Variants in PLIN2 observed in about 807,000 individuals in gnomAD.
PLIN2 encodes perilipin-2.
In PLIN2, 33 loss-of-function variants were observed where a neutral mutation model predicts 30.6. The ratio of observed to expected loss-of-function variants is 1.08; its 90% CI spans 0.82 to 1.44. The LOEUF (loss-of-function observed/expected upper bound fraction) is 1.44, where lower values mean the gene tolerates loss of function less well. Ranked by LOEUF, PLIN2 falls within the 40% of genes most tolerant of loss-of-function variation. PLIN2 has a pLI of 0.00. For missense variants in PLIN2, 610 were observed against 531.8 expected (o/e 1.15, Z -1.45); for synonymous variants, 205 against 201.1 (o/e 1.02, Z -0.16).
chr9:19,124,915 G>T (rs1000838139), intron 3 of PLIN2, among the ~76,000 whole-genome samples: 1 of 152,202 alleles, frequency 6.6e-6, no homozygotes, highest in African/African-American at 2.4e-5. Flanking sequence ...GTACTGATAT[G>T]ATGTGACAAG....
intron 4 of PLIN2, among the ~76,000 whole-genome samples, chr9:19,121,946 A>G (rs1385157957): frequency 6.6e-6 from 1 of 151,896 alleles, no homozygotes; most frequent in Non-Finnish European, 1.5e-5. Flanking sequence ...ACAAACAAAC[A>G]ATGACAAAAA....
At chr9:19,119,244 C>A (rs1818276142) in intron 6 of PLIN2, among the ~76,000 whole-genome samples, 1 of 152,156 alleles carries the variant, frequency 6.6e-6, no homozygotes. Context: ...TAGTCTCTTG[C>A]AACTTTAAAC....
intron 7 of PLIN2, among the ~76,000 whole-genome samples, chr9:19,117,991 C>T (rs1004541570): frequency 6.6e-6 from 1 of 152,188 alleles, no homozygotes; most frequent in African/African-American, 2.4e-5. Context: ...TGAGATAGCC[C>T]TCTTCTGCAA....
rs1367578177 is a variant in PLIN2, at chr9:19,127,113, C to G, written c.-23+306G>C. Among the ~76,000 whole-genome samples the G allele has an allele frequency of 6.6e-6, 1 of 152,192 alleles. No homozygotes were observed. Among genetic ancestry groups the G allele is most frequent in the Non-Finnish European group, 1.5e-5 (1 of 68,032 alleles). On this transcript the variant is annotated intron_variant, in intron 1 of 7. Coordinates refer to ENST00000276914, the MANE Select transcript of PLIN2 (RefSeq NM_001122.4). This position sits in a 1 kb window ranked among gnomAD's most constrained non-coding sequence, Gnocchi z 4.3. ...TTCGACAAATATTGTTTTCCCACAA[C>G]CACCCAAGCAGGCCAAGGGACATTC... is the stretch of plus-strand genomic sequence containing the variant.
At chr9:19,120,852 CAG>C (rs750718520) in intron 5 of PLIN2, 26 bp downstream of exon 5, 173 of 1,552,598 alleles carry the variant, frequency 1.1e-4, no homozygotes, top group Non-Finnish European at 1.4e-4. Context: ...TAATATAAAA[CAG>C]TATTTCAAGA....
chr9:19,126,403 TG>T lies in PLIN2; in HGVS notation c.23del (p.Pro8HisfsTer6). MASVAVD[P>X]QPSVVTRVVN... ...GGCTACTCAAAATTCATACCGGTTG[TG>T]GATCAACTGCAACGGATGCCATTTT... On this transcript the variant is annotated frameshift_variant, in exon 2 of 8. Coordinates refer to ENST00000276914, the MANE Select transcript of PLIN2 (RefSeq NM_001122.4). LOFTEE classifies it high-confidence loss of function. 1 of 1,613,860 alleles carries T rather than the reference TG, an allele frequency of 6.2e-7. No homozygotes were observed. The highest frequency in any genetic ancestry group is 8.5e-7 in the Non-Finnish European group (1 of 1,179,850).
rs556624732 is a variant in PLIN2 at position 19,120,381 on chromosome 9, C to G, written c.595+499G>C. ...AGAGTGAACTTGAGCGGCATGGTAC[C>G]TGGCACACATTACCTAATGATGATT... On this transcript the variant is annotated intron_variant, in intron 5 of 7. Transcript: ENST00000276914. Among the ~76,000 whole-genome samples the G allele has an allele frequency of 2.0e-5, 3 of 152,262 alleles. No homozygotes were observed. The South Asian group carries it at 6.2e-4, about 32-fold the overall frequency.
At chr9:19,120,032 C>T (rs1818290313) in intron 5 of PLIN2, among the ~76,000 whole-genome samples, 1 of 151,274 alleles carries the variant, frequency 6.6e-6, no homozygotes, top group South Asian at 2.1e-4. Context: ...ACACTGCATG[C>T]ATCTACACGT....
intron 3 of PLIN2, 41 bp from the exon 4 acceptor site, chr9:19,123,688 G>A (rs1270273593): frequency 6.5e-7 from 1 of 1,529,794 alleles, no homozygotes; most frequent in African/African-American, 1.4e-5. Flanking sequence ...AGTACTATAG[G>A]TATAGAATGA....
chr9:19,117,283 C>G (rs1476398367), intron 7 of PLIN2, among the ~76,000 whole-genome samples: 1 of 151,994 alleles, frequency 6.6e-6, no homozygotes, highest in Non-Finnish European at 1.5e-5. Context: ...ACCTCAGCCT[C>G]TCGAGCAACT....
At chr9:19,112,053 T>C (rs1390680830), downstream of PLIN2, among the ~76,000 whole-genome samples, 2 of 152,148 alleles carry the variant, frequency 1.3e-5, no homozygotes, top group Admixed American at 6.6e-5. Flanking sequence ...CTAGCGCAAA[T>C]TTAAAAAGCA....
intron 7 of PLIN2, among the ~76,000 whole-genome samples, chr9:19,117,257 C>T (rs1175494317): frequency 2.0e-5 from 3 of 151,694 alleles, no homozygotes; most frequent in South Asian, 2.1e-4. Flanking sequence ...ACCTCTCGGG[C>T]TTAGGTGATC....
intron 4 of PLIN2, among the ~76,000 whole-genome samples, chr9:19,121,574 A>T (rs72698317): frequency 0.01 from 1,539 of 152,192 alleles, 13 homozygotes; most frequent in South Asian, 0.018. Context: ...CCAAAGTCAC[A>T]CAAATCCAGA....
chr9:19,117,373 G>A (rs1167385488), intron 7 of PLIN2, among the ~76,000 whole-genome samples: 1 of 152,040 alleles, frequency 6.6e-6, no homozygotes, highest in African/African-American at 2.4e-5. Flanking sequence ...TGCCCAGGCT[G>A]GTCCTGAATT....
chr9:19,125,966 T>A, intron 3 of PLIN2, 148 bp downstream of exon 3: 1 of 601,706 alleles, frequency 1.7e-6, no homozygotes, highest in South Asian at 2.2e-5. Context: ...ACAGTCCTCT[T>A]ACGGTAATGA....
chr9:19,122,175 GA>G (rs1231911481), intron 4 of PLIN2, among the ~76,000 whole-genome samples: 2 of 145,926 alleles, frequency 1.4e-5, no homozygotes, highest in Non-Finnish European at 3.0e-5. Context: ...ATCCGAAATG[GA>G]AAATAACTCT....
intron 4 of PLIN2, among the ~76,000 whole-genome samples, chr9:19,123,003 C>T (rs985232628): frequency 6.6e-6 from 1 of 152,176 alleles, no homozygotes; most frequent in Non-Finnish European, 1.5e-5. Context: ...ATTCCCATCA[C>T]TAAGTGACAG....
chr9:19,123,766 A>G (rs1201992337), intron 3 of PLIN2, 119 bp from the exon 4 acceptor site: 3 of 768,996 alleles, frequency 3.9e-6, no homozygotes, highest in Admixed American at 5.7e-5. Context: ...CACGCCTGTA[A>G]TCCCAGCACT....
chr9:19,110,527 G>A (rs944003315), intron 2 of PLIN2, among the ~76,000 whole-genome samples: 9 of 152,184 alleles, frequency 5.9e-5, no homozygotes, highest in African/African-American at 2.2e-4. Flanking sequence ...CCAGGCTGGA[G>A]TGCAGTGGTG....
Sources: allele counts gnomAD v4.1 joint callset (sites outside exome capture counted in the v4.1 genomes callset), GRCh38; gene constraint gnomAD v4.1.1; non-coding constraint Gnocchi (gnomAD v3.1); transcripts MANE v1.5; gene names NCBI Gene and HGNC (gene_info 2026-07-23, HGNC 2026-07-21).